NFIA: variants seen among roughly 807,000 people sequenced by gnomAD.
NFIA encodes the protein nuclear factor 1 A-type.
A neutral mutation model predicts 62.8 loss-of-function variants in NFIA; 8 were observed. That is an observed-to-expected ratio of 0.13 (90% CI 0.07 to 0.23). NFIA has a LOEUF of 0.23. Among genes scored for constraint, NFIA ranks in the 10% least tolerant of loss-of-function variants. The pLI, the probability that NFIA is intolerant of heterozygous loss-of-function variation, is 1.00. For synonymous variants in NFIA, 235 were observed against 238.1 expected (o/e 0.99, Z 0.12); for missense variants, 410 against 642.1 (o/e 0.64, Z 3.91).
chr1:61,452,849 C>G (rs181799623), intron 10 of NFIA, among the ~76,000 whole-genome samples: 130 of 152,220 alleles, frequency 8.5e-4, no homozygotes, highest in African/African-American at 2.7e-3. Flanking sequence ...TGAATACCAA[C>G]TCAGAAGGAG....
chr1:61,449,984 T>C (rs866287052), intron 10 of NFIA, among the ~76,000 whole-genome samples: 9 of 152,140 alleles, frequency 5.9e-5, no homozygotes, highest in Non-Finnish European at 1.2e-4. Flanking sequence ...ACACTGCTGG[T>C]CAGTGGAAAA....
rs115505263 is a variant in NFIA at position 61,215,371 on chromosome 1, G to C, written c.560-62149G>C. ...TGATAAGCATGTTCCAAGTTTTCCT[G>C]TTCTAAAAACAAAAACATTAAAATC... On this transcript the variant is annotated intron_variant, in intron 2 of 10. Transcript: ENST00000403491. Among the ~76,000 whole-genome samples the C allele has an allele frequency of 4.3e-3, 645 of 151,670 alleles. 5 individuals are homozygous for C. The highest frequency in any genetic ancestry group is 0.015 in the African/African-American group (617 of 41,340).
chr1:61,173,412 C>T (rs1650103006), intron 2 of NFIA, among the ~76,000 whole-genome samples: 1 of 152,006 alleles, frequency 6.6e-6, no homozygotes, highest in African/African-American at 2.4e-5. Flanking sequence ...TCTTTTTTGA[C>T]AGTCTCATTC....
intron 3 of NFIA, among the ~76,000 whole-genome samples, chr1:61,315,784 G>C (rs561746325): frequency 6.6e-6 from 1 of 152,242 alleles, no homozygotes; most frequent in South Asian, 2.1e-4. Flanking sequence ...AATAAGGACG[G>C]GTCATTTTGG....
intron 3 of NFIA, among the ~76,000 whole-genome samples, chr1:61,298,289 G>A (rs938366128): frequency 6.6e-6 from 1 of 151,978 alleles, no homozygotes; most frequent in African/African-American, 2.4e-5. Flanking sequence ...CCTTCAACCA[G>A]GATTGTAAGT....
chr1:61,251,578 A>C (rs1219903463), intron 2 of NFIA, among the ~76,000 whole-genome samples: 2 of 152,226 alleles, frequency 1.3e-5, no homozygotes, highest in Non-Finnish European at 2.9e-5. Flanking sequence ...GTTGAGATTA[A>C]GGCTTCTTAT....
chr1:61,386,174 C>T (rs1264343219), intron 7 of NFIA, among the ~76,000 whole-genome samples: 2 of 152,098 alleles, frequency 1.3e-5, no homozygotes, highest in East Asian at 1.9e-4. Context: ...TGGAATGATA[C>T]CACATTTGGG....
At chr1:61,086,886 C>T (rs1646228137) in intron 1 of NFIA, among the ~76,000 whole-genome samples, 2 of 152,042 alleles carry the variant, frequency 1.3e-5, no homozygotes, top group African/African-American at 2.4e-5. Flanking sequence ...TAATATTTGT[C>T]TGTCCTACAC....
At chr1:61,395,286 G>GTTTT (rs371283588) in intron 7 of NFIA, among the ~76,000 whole-genome samples, 55 of 134,360 alleles carry the variant, frequency 4.1e-4, no homozygotes, top group African/African-American at 1.5e-3. Flanking sequence ...GTGTGTGTGT[G>GTTTT]TGTTTTTTTT....
intron 1 of NFIA, among the ~76,000 whole-genome samples, chr1:61,085,561 C>T (rs1289762424): frequency 6.6e-6 from 1 of 151,872 alleles, no homozygotes; most frequent in Non-Finnish European, 1.5e-5. Flanking sequence ...ATTATAAGGG[C>T]ACACTACTTT....
At chr1:61,436,915 A>T (rs1425957202) in intron 10 of NFIA, among the ~76,000 whole-genome samples, 1 of 152,226 alleles carries the variant, frequency 6.6e-6, no homozygotes, top group African/African-American at 2.4e-5. Context: ...AATGAGTCAC[A>T]TGAGCTTGTG....
intron 7 of NFIA, among the ~76,000 whole-genome samples, chr1:61,398,325 GC>G (rs1665385417): frequency 6.6e-6 from 1 of 152,164 alleles, no homozygotes; most frequent in Non-Finnish European, 1.5e-5. Flanking sequence ...TCTTGAAGTA[GC>G]TAAAATTGAT....
rs759255159 is a variant in NFIA, at chr1:61,455,322, A to C, written c.*2A>C. ...TTCCAGTCCTGGTACCTGGGATAAA[A>C]GTTGCAGCGTCCCACCATCCACCAG... On this transcript the variant is annotated 3_prime_UTR_variant, in exon 11 of 11. Transcript: ENST00000403491. 1 of 1,614,086 alleles carries C rather than the reference A, an allele frequency of 6.2e-7. No homozygotes were observed. Among genetic ancestry groups the C allele is most frequent in the Non-Finnish European group, 8.5e-7 (1 of 1,179,980 alleles).
chr1:61,120,481 T>C (rs1646870108), intron 2 of NFIA, among the ~76,000 whole-genome samples: 1 of 152,212 alleles, frequency 6.6e-6, no homozygotes, highest in African/African-American at 2.4e-5. Flanking sequence ...AGGCACACTC[T>C]GGTCGTTTTG....
chr1:61,271,973 G>A (rs1027209423), intron 2 of NFIA, among the ~76,000 whole-genome samples: 13 of 152,080 alleles, frequency 8.5e-5, no homozygotes, highest in African/African-American at 2.4e-4. Flanking sequence ...TTAGGAACTC[G>A]GTTATTGTAC....
Position 61,359,292 on chromosome 1 carries a change from A to C in NFIA, c.946+18A>C. 1 of 1,612,108 alleles carries C rather than the reference A, an allele frequency of 6.2e-7. No individual in the cohort carries two copies. Among genetic ancestry groups the C allele is most frequent in the South Asian group, 1.1e-5 (1 of 90,992 alleles). On this transcript the variant is annotated intron_variant, in intron 6 of 10. Transcript: ENST00000403491. ...GGAGCCAGGTAAGCAGAGTGGCGGC[A>C]CGGGCATGTGGCTAACACTGTGAAA...
intron 2 of NFIA, among the ~76,000 whole-genome samples, chr1:61,117,361 A>G (rs563531586): frequency 6.6e-6 from 1 of 152,308 alleles, no homozygotes; most frequent in East Asian, 1.9e-4. Context: ...AATGTTTCTA[A>G]TGAATCACTG....
intron 7 of NFIA, among the ~76,000 whole-genome samples, chr1:61,386,487 T>C (rs1195277757): frequency 6.6e-6 from 1 of 152,244 alleles, no homozygotes; most frequent in Non-Finnish European, 1.5e-5. Context: ...GTGAGGCTTC[T>C]GCTGCCTTCC....
At chr1:61,425,190 CA>C (rs1307053889) in intron 9 of NFIA, among the ~76,000 whole-genome samples, 1 of 152,152 alleles carries the variant, frequency 6.6e-6, no homozygotes, top group Non-Finnish European at 1.5e-5. Context: ...TAGCTCTTAC[CA>C]AAGACAACCA....
Sources: allele counts gnomAD v4.1 joint callset (sites outside exome capture counted in the v4.1 genomes callset), GRCh38; gene constraint gnomAD v4.1.1; transcripts MANE v1.5; gene names NCBI Gene and HGNC (gene_info 2026-07-23, HGNC 2026-07-21).